DCAF6: variants seen among roughly 807,000 people sequenced by gnomAD.
The protein encoded by DCAF6 is DDB1 and CUL4 associated factor 6.
A neutral mutation model predicts 125.1 loss-of-function variants in DCAF6; 54 were observed. The observed-to-expected ratio is 0.43, with a 90% CI of 0.35 to 0.54. DCAF6 has a LOEUF of 0.54. DCAF6 is among the 20% of genes least tolerant of loss of function. DCAF6 has a pLI of 0.01. For missense variants in DCAF6, 934 were observed against 1,161.7 expected, an observed-to-expected ratio of 0.80 and a Z score of 2.85; for synonymous variants, 371 against 390.4, an observed-to-expected ratio of 0.95 and a Z score of 0.58.
At position 168,009,382 on chromosome 1, in the gene DCAF6, CCTTCCTTTCTTT is replaced by C. The variant is rs1188762965; in HGVS notation, c.1378+4593_1378+4604del. ...TCCTTCCTTCCTTCCTTCCTTCCTTCCTTCCTTTCTTTCTTTCTTTCTCTCTCTCTCTTTTGT... is the reference window on the plus strand; with the variant it reads ...TCCTTCCTTCCTTCCTTCCTTCCTTCCTTTCTTTCTCTCTCTCTCTTTTGT... On this transcript the variant is annotated intron_variant, in intron 10 of 21. Transcript: ENST00000367840. Among the ~76,000 whole-genome samples the C allele has an allele frequency of 9.3e-3, 1,001 of 107,928 alleles. 12 individuals are homozygous for C. Among genetic ancestry groups the C allele is most frequent in the East Asian group, 0.06 (256 of 4,248 alleles). The allele number at this position is 107,928 out of a possible 152,430, so 70.8% of individuals were successfully genotyped here.
chr1:167,884,415 C>T, the DCAF6 span, among the ~76,000 whole-genome samples: 1 of 152,128 alleles, frequency 6.6e-6, no homozygotes, highest in Admixed American at 6.5e-5. Flanking sequence ...TATAATCCAC[C>T]CCTATGATCC....
chr1:167,939,305 T>G (rs1012812795), intron 1 of DCAF6, among the ~76,000 whole-genome samples: 4 of 152,172 alleles, frequency 2.6e-5, no homozygotes, highest in Non-Finnish European at 5.9e-5. Context: ...AATTAAAAAT[T>G]GTTATATTTA....
intron 1 of DCAF6, among the ~76,000 whole-genome samples, chr1:167,950,589 G>A (rs1206968963): frequency 6.6e-6 from 1 of 152,128 alleles, no homozygotes; most frequent in Non-Finnish European, 1.5e-5. Context: ...GCTTCAAGAG[G>A]CTCTTGATTT....
intron 13 of DCAF6, among the ~76,000 whole-genome samples, chr1:168,039,014 C>T (rs1390215196): frequency 6.6e-6 from 1 of 151,800 alleles, no homozygotes; most frequent in African/African-American, 2.4e-5. Context: ...TGTAATAGTC[C>T]ATCAAGTAGA....
At chr1:168,041,892 G>GCACACACACACA (rs756614679) in intron 13 of DCAF6, among the ~76,000 whole-genome samples, 6 of 119,754 alleles carry the variant, frequency 5.0e-5, no homozygotes, top group Non-Finnish European at 1.1e-4. Flanking sequence ...CATGTTTGTC[G>GCACACACACACA]CGCACACACA....
chr1:168,028,727 G>GCATT (rs928865516), intron 12 of DCAF6, among the ~76,000 whole-genome samples: 7 of 152,108 alleles, frequency 4.6e-5, no homozygotes, highest in African/African-American at 1.7e-4. Context: ...GACCTGCCAT[G>GCATT]CATTAAATAT....
intron 10 of DCAF6, among the ~76,000 whole-genome samples, chr1:168,009,357 T>TCCTTCCTTCCTC (rs1198034574): frequency 2.3e-5 from 3 of 128,298 alleles, no homozygotes; most frequent in Non-Finnish European, 4.7e-5. Context: ...CTTCCTTCCT[T>TCCTTCCTTCCTC]CCTTCCTTCC....
chr1:167,925,355 CCAGTAGAGTTGGAAGCAGTTTATA>C, the DCAF6 span, among the ~76,000 whole-genome samples: 3 of 147,172 alleles, frequency 2.0e-5, no homozygotes, highest in Non-Finnish European at 1.5e-5. Flanking sequence ...GGAAAGTTAG[CCAGTAGAGTTGGAAGCAGTTTATA>C]CTAACATTTA....
intron 10 of DCAF6, among the ~76,000 whole-genome samples, 138 bp from the exon 11 acceptor site, chr1:168,015,629 CCAGTAATTTTTTAT>C (rs1430591539): frequency 1.3e-5 from 2 of 152,054 alleles, no homozygotes; most frequent in Non-Finnish European, 2.9e-5. Context: ...AATTTAATGA[CCAGTAATTTTTTAT>C]CAGTAATTTG....
intron 3 of DCAF6, among the ~76,000 whole-genome samples, chr1:167,969,559 G>A (rs1676981508): frequency 6.6e-6 from 1 of 152,056 alleles, no homozygotes; most frequent in African/African-American, 2.4e-5. Flanking sequence ...AGAATAAATT[G>A]TTTATTTCTT....
chr1:167,905,119 ATTC>A, the DCAF6 span: 6 of 1,614,084 alleles, frequency 3.7e-6, no homozygotes, highest in East Asian at 2.2e-5. Flanking sequence ...CAGTCCTGGA[ATTC>A]TTCTTTTGGA....
Position 167,937,014 on chromosome 1 carries a change from C to CG in DCAF6, c.97+11dup, listed in dbSNP as rs1671347921. On this transcript the variant is annotated splice_region_variant and intron_variant, in intron 1 of 21. Coordinates refer to ENST00000367840, the MANE Select transcript of DCAF6 (RefSeq NM_001198956.2). ...GCTGCGGAGTCGCTACCTGGGTGAG[C>CG]GGGGGCCCCGGGGCGGAGGCGCTGA... 1 of 1,603,150 alleles carries CG rather than the reference C, an allele frequency of 6.2e-7. No individual in the cohort carries two copies. Among genetic ancestry groups the CG allele is most frequent in the South Asian group, 1.1e-5 (1 of 89,192 alleles).
intron 3 of DCAF6, among the ~76,000 whole-genome samples, chr1:167,969,891 C>G (rs1394165460): frequency 1.3e-5 from 2 of 152,334 alleles, no homozygotes; most frequent in Admixed American, 6.5e-5. Flanking sequence ...TTTCTCCTGC[C>G]TCAGCCTTCC....
chr1:167,983,954 G>A (rs1679569078), intron 4 of DCAF6, among the ~76,000 whole-genome samples: 2 of 152,094 alleles, frequency 1.3e-5, no homozygotes, highest in African/African-American at 4.8e-5. Context: ...GGCATTTGGG[G>A]GAGTCTCAAA....
At chr1:168,059,784 C>T (rs114713430) in intron 17 of DCAF6, among the ~76,000 whole-genome samples, 1,665 of 151,904 alleles carry the variant, frequency 0.011, 28 homozygotes, top group African/African-American at 0.036. Context: ...TAGCTGGGAC[C>T]ACAGATGTGT....
intron 2 of DCAF6, among the ~76,000 whole-genome samples, chr1:167,954,903 A>G (rs1557887156): frequency 6.6e-6 from 1 of 152,236 alleles, no homozygotes; most frequent in Non-Finnish European, 1.5e-5. Flanking sequence ...AAGTTTGCCC[A>G]TGTGCCCTCT....
At chr1:167,913,103 A>G in the DCAF6 span, among the ~76,000 whole-genome samples, 5 of 152,354 alleles carry the variant, frequency 3.3e-5, no homozygotes, top group East Asian at 9.6e-4. Flanking sequence ...AGCCAATTCT[A>G]TCACATCAAG....
chr1:168,065,018 A>T (rs369914), intron 18 of DCAF6, among the ~76,000 whole-genome samples: 14,292 of 152,200 alleles, frequency 0.094, 2,024 homozygotes, highest in African/African-American at 0.3. Context: ...AATTTCTTTT[A>T]TCTGTGAATT....
chr1:167,888,135 A>G, the DCAF6 span, among the ~76,000 whole-genome samples: 63 of 152,262 alleles, frequency 4.1e-4, no homozygotes, highest in African/African-American at 1.1e-3. Flanking sequence ...CCACTGGTCT[A>G]TGTGTCTGTT....
Sources: gnomAD v4.1 joint callset for allele counts (sites outside exome capture counted in the v4.1 genomes callset) on GRCh38, gnomAD v4.1.1 for gene constraint, MANE v1.5 for transcripts, NCBI Gene and HGNC (gene_info 2026-07-23, HGNC 2026-07-21) for gene names.